The following ATF6 variants were observed in gnomAD, a reference collection of about 807,000 sequenced individuals.
ATF6 encodes the protein cyclic AMP-dependent transcription factor ATF-6 alpha.
Under a neutral mutation model 83.6 loss-of-function variants are expected in ATF6, and 53 were observed. That is an observed-to-expected ratio of 0.63 (90% confidence interval 0.51 to 0.80). ATF6 has a LOEUF of 0.80. ATF6 is among the 30% of genes least tolerant of loss of function. ATF6 has a pLI of 0.00. For missense variants in ATF6, 744 were observed against 797.9 expected, an observed-to-expected ratio of 0.93 and a Z score of 0.81; for synonymous variants, 288 against 285.8, an observed-to-expected ratio of 1.01 and a Z score of -0.08.
intron 14 of ATF6, chr1:161,892,140 C>T (rs1465988338): frequency 2.6e-5 from 4 of 152,140 alleles, no homozygotes; most frequent in Non-Finnish European, 1.5e-5. Context: ...ATGTTTAGGT[C>T]ATTGTATGCC....
intron 14 of ATF6, among the ~76,000 whole-genome samples, chr1:161,881,371 T>A (rs1306384724): frequency 1.3e-5 from 2 of 152,174 alleles, no homozygotes; most frequent in Admixed American, 6.6e-5. Flanking sequence ...GATGCCGAAC[T>A]AAGGGTCTCA....
chr1:161,894,863 T>C (rs1309037320), intron 14 of ATF6, among the ~76,000 whole-genome samples: 1 of 151,812 alleles, frequency 6.6e-6, no homozygotes, highest in Non-Finnish European at 1.5e-5. Context: ...TTTGTAGTCT[T>C]TATGAGGTTT....
intron 15 of ATF6, among the ~76,000 whole-genome samples, chr1:161,957,555 T>C (rs1271112307): frequency 2.6e-5 from 4 of 152,146 alleles, no homozygotes; most frequent in Non-Finnish European, 5.9e-5. Flanking sequence ...AGTAATTTGG[T>C]CCTCTCCCTA....
At chr1:161,847,406 C>G (rs1171362420) in intron 10 of ATF6, among the ~76,000 whole-genome samples, 1 of 152,050 alleles carries the variant, frequency 6.6e-6, no homozygotes, top group Non-Finnish European at 1.5e-5. Flanking sequence ...AGATGATCAC[C>G]ACAATCCTGC....
chr1:161,792,408 G>T, intron 6 of ATF6, 81 bp downstream of exon 6: 1 of 1,380,138 alleles, frequency 7.2e-7, no homozygotes, highest in Non-Finnish European at 1.0e-6. Flanking sequence ...TTTAATTCAG[G>T]TTATAATTTC....
chr1:161,942,039 G>A (rs1688657264), intron 15 of ATF6, among the ~76,000 whole-genome samples: 1 of 152,000 alleles, frequency 6.6e-6, no homozygotes, highest in Non-Finnish European at 1.5e-5. Flanking sequence ...AAGACTCTGG[G>A]TAATGTTTTC....
intron 6 of ATF6, among the ~76,000 whole-genome samples, chr1:161,801,049 G>A (rs1189069085): frequency 1.3e-5 from 2 of 152,082 alleles, no homozygotes; most frequent in Non-Finnish European, 2.9e-5. Flanking sequence ...AAAATACTTA[G>A]GACCAGAAGT....
rs1686549167 is a variant in ATF6 at position 161,849,013 on chromosome 1, A to T, written c.1319+2433A>T. On this transcript the variant is annotated intron_variant, in intron 10 of 15. Coordinates refer to ENST00000367942, the MANE Select transcript of ATF6 (RefSeq NM_007348.4). ...ACAGATGTGCAGAAATCATTACTAG[A>T]GTTCAGATCACAAATATATTTTCAA... Among the ~76,000 whole-genome samples, 5 of 151,938 alleles carry T rather than the reference A, an allele frequency of 3.3e-5. No homozygotes were observed. In the South Asian group the frequency reaches 1.0e-3, roughly 31 times the overall value.
chr1:161,915,613 C>A (rs1688081183), intron 15 of ATF6, among the ~76,000 whole-genome samples: 1 of 151,340 alleles, frequency 6.6e-6, no homozygotes, highest in Admixed American at 6.7e-5. Flanking sequence ...TTCCCATCAG[C>A]ATACAAATGT....
chr1:161,936,061 A>C (rs920672298), intron 15 of ATF6, among the ~76,000 whole-genome samples: 11 of 152,214 alleles, frequency 7.2e-5, no homozygotes, highest in Non-Finnish European at 1.5e-4. Context: ...CATCTTCTCC[A>C]CATCTGCTCA....
chr1:161,804,876 G>C (rs1265784303), intron 7 of ATF6, among the ~76,000 whole-genome samples: 2 of 151,764 alleles, frequency 1.3e-5, no homozygotes, highest in African/African-American at 4.8e-5. Context: ...TACTCTTAAG[G>C]GGGATCTGTA....
At chr1:161,811,820 T>C (rs538664400) in intron 7 of ATF6, among the ~76,000 whole-genome samples, 1 of 152,218 alleles carries the variant, frequency 6.6e-6, no homozygotes, top group South Asian at 2.1e-4. Flanking sequence ...CCTGAACTAT[T>C]TTAGGGTAAG....
intron 7 of ATF6, among the ~76,000 whole-genome samples, chr1:161,812,814 G>GTGTA (rs1685508992): frequency 6.6e-6 from 1 of 151,758 alleles, no homozygotes; most frequent in Admixed American, 6.6e-5. Flanking sequence ...GTGTGTGTGT[G>GTGTA]TGTCACATAA....
At chr1:161,932,267 T>A (rs1048873709) in intron 15 of ATF6, among the ~76,000 whole-genome samples, 2 of 152,200 alleles carry the variant, frequency 1.3e-5, no homozygotes, top group Admixed American at 1.3e-4. Flanking sequence ...TTGTACTTTT[T>A]AAGACAATAT....
At chr1:161,808,550 C>T (rs1685361160) in intron 7 of ATF6, among the ~76,000 whole-genome samples, 1 of 152,052 alleles carries the variant, frequency 6.6e-6, no homozygotes, top group East Asian at 1.9e-4. Flanking sequence ...AAACTTTTCT[C>T]ATTCCTTTTT....
At chr1:161,907,746 A>T (rs1261321086) in intron 14 of ATF6, among the ~76,000 whole-genome samples, 1 of 152,146 alleles carries the variant, frequency 6.6e-6, no homozygotes, top group African/African-American at 2.4e-5. Flanking sequence ...ATTTCATTTG[A>T]TTATATTAAT....
At chr1:161,806,448 A>G (rs1381000470) in intron 7 of ATF6, among the ~76,000 whole-genome samples, 1 of 152,238 alleles carries the variant, frequency 6.6e-6, no homozygotes, top group Non-Finnish European at 1.5e-5. Context: ...GTAAAATTCT[A>G]CATCTTCCAC....
intron 14 of ATF6, among the ~76,000 whole-genome samples, chr1:161,885,542 C>T (rs1687402295): frequency 6.6e-6 from 1 of 151,822 alleles, no homozygotes; most frequent in Non-Finnish European, 1.5e-5. Flanking sequence ...TGTATAAAGC[C>T]CAGAAGATTC....
intron 14 of ATF6, among the ~76,000 whole-genome samples, chr1:161,875,226 G>A (rs979544496): frequency 2.6e-5 from 4 of 151,738 alleles, no homozygotes; most frequent in African/African-American, 9.7e-5. Context: ...TCAGATAATT[G>A]TGGGTATTCT....
Sources: gnomAD v4.1 joint callset for allele counts (sites outside exome capture counted in the v4.1 genomes callset) on GRCh38, gnomAD v4.1.1 for gene constraint, MANE v1.5 for transcripts, NCBI Gene and HGNC (gene_info 2026-07-23, HGNC 2026-07-21) for gene names.